Variants in HLCS observed in about 807,000 individuals in gnomAD.
HLCS encodes the protein holocarboxylase synthetase, also known as biotin--protein ligase.
A neutral mutation model predicts 75.0 loss-of-function variants in HLCS; 53 were observed. That is an observed-to-expected ratio of 0.71 (90% CI 0.57 to 0.89). The LOEUF (loss-of-function observed/expected upper bound fraction) is 0.89. Ranked by LOEUF, HLCS falls within the 40% of genes least tolerant of loss-of-function variation. The pLI, the probability that HLCS is intolerant of heterozygous loss-of-function variation, is 0.00. For synonymous variants in HLCS, 431 were observed against 428.6 expected (o/e 1.01, Z -0.07); for missense variants, 966 against 1,074.0 (o/e 0.90, Z 1.41).
intron 9 of HLCS, among the ~76,000 whole-genome samples, chr21:36,758,995 A>G (rs957937861): frequency 3.3e-5 from 5 of 152,016 alleles, no homozygotes; most frequent in East Asian, 3.8e-4. Flanking sequence ...AAAAAAAAAA[A>G]AGATAGGAAA....
At chr21:36,814,368 A>T (rs2061598828) in intron 6 of HLCS, among the ~76,000 whole-genome samples, 1 of 152,244 alleles carries the variant, frequency 6.6e-6, no homozygotes, top group Non-Finnish European at 1.5e-5. Context: ...CACAAAGAAA[A>T]ATACAGAATG....
At chr21:36,957,994 G>A (rs1307301854) in intron 2 of HLCS, among the ~76,000 whole-genome samples, 2 of 151,526 alleles carry the variant, frequency 1.3e-5, no homozygotes, top group African/African-American at 2.4e-5. Context: ...TTGGGAGGCC[G>A]AGGCAGGTGG....
At chr21:36,786,489 A>G (rs182293383) in intron 6 of HLCS, among the ~76,000 whole-genome samples, 1 of 152,284 alleles carries the variant, frequency 6.6e-6, no homozygotes, top group East Asian at 1.9e-4. Flanking sequence ...CCCTGTGAAT[A>G]CCATCAAAAT....
At chr21:36,903,615 C>A (rs1462159063) in intron 5 of HLCS, among the ~76,000 whole-genome samples, 1 of 152,178 alleles carries the variant, frequency 6.6e-6, no homozygotes, top group African/African-American at 2.4e-5. Flanking sequence ...AAACAACCAG[C>A]ACTAAGTAGA....
At chr21:36,779,811 C>T (rs2060473636) in intron 6 of HLCS, among the ~76,000 whole-genome samples, 1 of 152,082 alleles carries the variant, frequency 6.6e-6, no homozygotes, top group South Asian at 2.1e-4. Context: ...CACACCCAAA[C>T]CCCACCAATC....
At chr21:36,856,106 G>A (rs2063183804) in intron 6 of HLCS, among the ~76,000 whole-genome samples, 1 of 152,128 alleles carries the variant, frequency 6.6e-6, no homozygotes, top group Admixed American at 6.5e-5. Flanking sequence ...TGGGTACAGG[G>A]TTTCTTTTTG....
chr21:36,780,398 T>G (rs2060491479), intron 6 of HLCS, among the ~76,000 whole-genome samples: 1 of 151,940 alleles, frequency 6.6e-6, no homozygotes, highest in African/African-American at 2.4e-5. Flanking sequence ...TTTTGTATTT[T>G]TAGTAGAGAT....
intron 6 of HLCS, among the ~76,000 whole-genome samples, chr21:36,775,226 G>C (rs770446550): frequency 3.3e-5 from 5 of 152,210 alleles, no homozygotes; most frequent in Non-Finnish European, 7.3e-5. Flanking sequence ...TCCAGCATAA[G>C]AGCGTCCACA....
chr21:36,885,401 G>C (rs995384280), intron 6 of HLCS, among the ~76,000 whole-genome samples: 8 of 151,842 alleles, frequency 5.3e-5, no homozygotes, highest in Non-Finnish European at 1.2e-4. Flanking sequence ...CCAGCTACTC[G>C]GGACGCTGAG....
intron 4 of HLCS, among the ~76,000 whole-genome samples, chr21:36,932,800 C>A (rs2066704081): frequency 6.6e-6 from 1 of 152,202 alleles, no homozygotes; most frequent in Non-Finnish European, 1.5e-5. Flanking sequence ...CTTAACCAAG[C>A]CAAATATACT....
chr21:36,978,952 G>C (rs1487594240), intron 1 of HLCS, among the ~76,000 whole-genome samples: 1 of 150,244 alleles, frequency 6.7e-6, no homozygotes, highest in Non-Finnish European at 1.5e-5. Flanking sequence ...CGTACTCAGG[G>C]AAAACCAATC....
intron 6 of HLCS, among the ~76,000 whole-genome samples, chr21:36,847,354 T>TCAA: frequency 6.6e-6 from 1 of 152,326 alleles, no homozygotes; most frequent in Non-Finnish European, 1.5e-5. Flanking sequence ...AGAATCAACA[T>TCAA]CATCTGAGTT....
intron 6 of HLCS, among the ~76,000 whole-genome samples, chr21:36,809,706 G>A (rs1003407257): frequency 1.3e-5 from 2 of 151,978 alleles, no homozygotes; most frequent in Non-Finnish European, 2.9e-5. Context: ...CATTCATAGT[G>A]AGCATATATC....
At position 36,765,159 on chromosome 21, in the gene HLCS, A is replaced by T; in HGVS notation, c.1974T>A (p.Asn658Lys). 6.2e-7 allele frequency: 1 copy of T among 1,614,116 alleles called. No homozygotes were observed. The highest frequency in any genetic ancestry group is 8.5e-7 in the Non-Finnish European group (1 of 1,179,996). Residue 658 changes from asparagine to lysine, a missense_variant, in exon 8 of 11, where the codon AAT (asparagine) becomes AAA (lysine). By Grantham distance (94) the Asn-to-Lys change is moderately conservative. Coordinates refer to ENST00000674895, the MANE Select transcript of HLCS (RefSeq NM_001352514.2). Reference sequence around the variant, plus strand: ...CACATCCCACAGGGCTCAGCCACACATTCCCTCCCCGTCCTGGAACACAGG... The same window carrying T: ...CACATCCCACAGGGCTCAGCCACACTTTCCCTCCCCGTCCTGGAACACAGG... The part of the protein sequence containing the change: ...RQTEGKGRGG[N>K]VWLSPVGCAL...
At chr21:36,862,638 G>T (rs988041668) in intron 6 of HLCS, among the ~76,000 whole-genome samples, 1 of 152,140 alleles carries the variant, frequency 6.6e-6, no homozygotes, top group African/African-American at 2.4e-5. Flanking sequence ...TGACCTACAA[G>T]TTCAGAACCT....
chr21:36,805,308 A>G (rs1467554592), intron 6 of HLCS, among the ~76,000 whole-genome samples: 2 of 152,204 alleles, frequency 1.3e-5, no homozygotes, highest in Admixed American at 6.5e-5. Flanking sequence ...GAGTCCAGGT[A>G]TCCCCTGGAA....
chr21:36,840,126 T>C (rs2062565071), intron 6 of HLCS, among the ~76,000 whole-genome samples: 1 of 152,174 alleles, frequency 6.6e-6, no homozygotes, highest in Non-Finnish European at 1.5e-5. Flanking sequence ...GCTTGTAACA[T>C]CTTGTAACTT....
chr21:36,953,269 A>T (rs1035350635), intron 2 of HLCS, among the ~76,000 whole-genome samples: 4 of 152,194 alleles, frequency 2.6e-5, no homozygotes, highest in Non-Finnish European at 5.9e-5. Flanking sequence ...GATGGATCAC[A>T]GTTTTAAAGA....
chr21:36,988,066 T>C (rs2069260812), intron 1 of HLCS, among the ~76,000 whole-genome samples: 1 of 152,194 alleles, frequency 6.6e-6, no homozygotes, highest in Admixed American at 6.5e-5. Context: ...CTTATGTTGA[T>C]TTAGTTTTTC....
Sources: allele counts gnomAD v4.1 joint callset (sites outside exome capture counted in the v4.1 genomes callset), GRCh38; gene constraint gnomAD v4.1.1; transcripts MANE v1.5; gene names NCBI Gene and HGNC (gene_info 2026-07-23, HGNC 2026-07-21).